Variants in SLC12A6 observed in about 807,000 individuals in gnomAD.
SLC12A6 encodes the protein K-Cl cotransporter 3.
SLC12A6 carries 66 observed loss-of-function variants against 135.3 expected under a neutral mutation model. The observed-to-expected ratio is 0.49, with a 90% CI of 0.40 to 0.60. SLC12A6 has a LOEUF of 0.60. Among genes scored for constraint, SLC12A6 ranks in the 20% least tolerant of loss-of-function variants. The pLI, the probability that SLC12A6 is intolerant of heterozygous loss-of-function variation, is 0.00. For missense variants in SLC12A6, 1,058 were observed against 1,452.3 expected, an observed-to-expected ratio of 0.73 and a Z score of 4.41; for synonymous variants, 513 against 508.8, an observed-to-expected ratio of 1.01 and a Z score of -0.11.
Position 34,336,502 on chromosome 15 carries a change from A to T in SLC12A6, c.179T>A (p.Met60Lys). 6.2e-7 allele frequency: 1 copy of T among 1,613,906 alleles called. No individual in the cohort carries two copies. The highest frequency in any genetic ancestry group is 1.3e-5 in the African/African-American group (1 of 75,050). The stretch of plus-strand genomic sequence containing the variant: ...AGTGGTGGCCCCAGACATCTCACTC[A>T]TAGGCTCACTCCGGCTTGTTTCAGG... ...SVPETSRSEP[M>K]SEMSGATTSL... Residue 60 changes from methionine (M) to lysine (K), a missense_variant, in exon 2 of 26, where the codon ATG becomes AAG. Physicochemically the swap from Met to Lys is moderately conservative, Grantham distance 95 (BLOSUM62 -1). Transcript: ENST00000354181.
At chr15:34,270,433 A>G (rs1324406308) in intron 3 of SLC12A6, among the ~76,000 whole-genome samples, 2 of 152,102 alleles carry the variant, frequency 1.3e-5, no homozygotes, top group African/African-American at 4.8e-5. Flanking sequence ...TCATAAACTT[A>G]AATACTGGGT....
At chr15:34,319,797 TAA>T (rs1378514092) in intron 2 of SLC12A6, among the ~76,000 whole-genome samples, 1 of 128,900 alleles carries the variant, frequency 7.8e-6, no homozygotes, top group Non-Finnish European at 1.6e-5. Flanking sequence ...AGACTCTGTC[TAA>T]AAAAAAAAAG....
At chr15:34,295,585 T>C (rs778165708) in intron 2 of SLC12A6, among the ~76,000 whole-genome samples, 1 of 152,242 alleles carries the variant, frequency 6.6e-6, no homozygotes. Context: ...GGTTGAATTC[T>C]TAGCACTGAT....
At chr15:34,287,862 T>C (rs371025840) in intron 2 of SLC12A6, among the ~76,000 whole-genome samples, 16 of 152,246 alleles carry the variant, frequency 1.1e-4, no homozygotes, top group Non-Finnish European at 4.4e-5. Flanking sequence ...AAGTTCTTTG[T>C]AGATTGTGGA....
chr15:34,321,110 T>C (rs755043627), intron 2 of SLC12A6, among the ~76,000 whole-genome samples: 39 of 152,114 alleles, frequency 2.6e-4, no homozygotes, highest in Admixed American at 2.4e-3. Flanking sequence ...AAAGTCACCA[T>C]TGTAAGTGGT....
rs182432979 is a variant in SLC12A6, at chr15:34,235,595, C to A, written c.3228-281G>T. ...GATTACAGGCCCCCACCACCATACC[C>A]GGCTAATTTTTTTTGTATTTTTAGT... is the stretch of plus-strand genomic sequence containing the variant. On this transcript the variant is annotated intron_variant, in intron 24 of 25. Coordinates refer to ENST00000354181, the MANE Select transcript of SLC12A6 (RefSeq NM_001365088.1). Among the ~76,000 whole-genome samples, 810 of 151,924 alleles carry A rather than the reference C, an allele frequency of 5.3e-3. 12 individuals carry two copies. The highest frequency in any genetic ancestry group is 0.018 in the African/African-American group (755 of 41,398).
At chr15:34,267,237 T>TA (rs34850005) in intron 3 of SLC12A6, among the ~76,000 whole-genome samples, 35,034 of 143,592 alleles carry the variant, frequency 0.24, 4,059 homozygotes, top group South Asian at 0.35. Flanking sequence ...AGTCTCTTTT[T>TA]AAAAAAAAAA....
chr15:34,234,073 CTGCT>C, intron 25 of SLC12A6, 101 bp from the exon 26 acceptor site: 1 of 743,452 alleles, frequency 1.3e-6, no homozygotes, highest in South Asian at 1.4e-5. Context: ...ACAAAATTAG[CTGCT>C]TAATTATTAT....
intron 5 of SLC12A6, among the ~76,000 whole-genome samples, chr15:34,258,436 T>G (rs898138284): frequency 4.6e-5 from 7 of 152,202 alleles, no homozygotes; most frequent in African/African-American, 9.6e-5. Flanking sequence ...TCCCATCAGC[T>G]AGATCTCTCC....
At chr15:34,276,566 AC>A (rs1199052256) in intron 2 of SLC12A6, among the ~76,000 whole-genome samples, 3 of 152,240 alleles carry the variant, frequency 2.0e-5, no homozygotes, top group Non-Finnish European at 4.4e-5. Context: ...ATCTCTTGAG[AC>A]GCTGATGATT....
At chr15:34,278,589 TGAGATG>T (rs1220123505) in intron 2 of SLC12A6, among the ~76,000 whole-genome samples, 1 of 152,134 alleles carries the variant, frequency 6.6e-6, no homozygotes, top group African/African-American at 2.4e-5. Flanking sequence ...TTATTTTTTT[TGAGATG>T]GAGTCTTGCT....
At chr15:34,249,079 G>A (rs1425234980) in intron 13 of SLC12A6, among the ~76,000 whole-genome samples, 2 of 152,130 alleles carry the variant, frequency 1.3e-5, no homozygotes, top group African/African-American at 4.8e-5. Context: ...AGGGAGGTTT[G>A]TATGTTCAAA....
chr15:34,254,240 G>GA (rs1215955423), intron 9 of SLC12A6, 108 bp downstream of exon 9: 39 of 1,198,578 alleles, frequency 3.3e-5, no homozygotes, highest in Non-Finnish European at 4.7e-5. Flanking sequence ...ATCTGAGAGG[G>GA]AAAATCTCAG....
At chr15:34,289,766 T>C (rs1034787756) in intron 2 of SLC12A6, among the ~76,000 whole-genome samples, 1 of 152,230 alleles carries the variant, frequency 6.6e-6, no homozygotes, top group African/African-American at 2.4e-5. Flanking sequence ...TTTATTTACA[T>C]AGAGGTGTTT....
rs145828158 is a variant in SLC12A6 at position 34,253,610 on chromosome 15, T to C, written c.1118+738A>G. 5.3e-5 allele frequency among the ~76,000 whole-genome samples: 8 copies of C among 151,674 alleles called. No individual in the cohort carries two copies. The East Asian group carries it at 1.5e-3, about 29-fold the overall frequency. ...AGTCATTAAACCTACTGGAACTGTC[T>C]TTTTGTCTTGAAAAATCTTTTTTTC... On this transcript the variant is annotated intron_variant, in intron 9 of 25. Transcript: ENST00000354181.
chr15:34,335,982 G>C (rs1339801464), intron 2 of SLC12A6, among the ~76,000 whole-genome samples: 1 of 152,136 alleles, frequency 6.6e-6, no homozygotes, highest in Non-Finnish European at 1.5e-5. Context: ...GCTAAGATAC[G>C]ACCAGTAACT....
rs779083807 is a variant in SLC12A6, at chr15:34,233,930, A to C, written c.3404T>G (p.Val1135Gly). ...LEVLTEGLERVLLVRGGGSEV... is the reference protein window; with the variant it reads ...LEVLTEGLERGLLVRGGGSEV... ...ACTGCCACCACCCCGGACAAGTAGG[A>C]CTCGCTCTAGTCCCTCGGTAAGCAC... The change falls in exon 26 of 26, where the codon GTC (valine) becomes GGC (glycine). Residue 1135 changes from valine to glycine, a missense_variant. Around this residue, in one of 6 missense-constraint regions of SLC12A6, gnomAD observed 245 missense variants for 440.8 expected, o/e 0.56. Transcript: ENST00000354181. 4 of 1,607,694 alleles carry C rather than the reference A, an allele frequency of 2.5e-6. No homozygotes were observed. In the Admixed American group the frequency reaches 6.7e-5, roughly 27 times the overall value.
Position 34,238,341 on chromosome 15 carries a change from A to G in SLC12A6, c.2693T>C (p.Phe898Ser), listed in dbSNP as rs1335757410. The part of the protein sequence containing the change: ...LALLVAKNIS[F>S]FPSNVEQFSE... ...AAATTGCTCCACATTGCTGGGAAAG[A>G]AGGAGATGTTTTTAGCCACCAGCAG... Residue 898 changes from phenylalanine to serine, a missense_variant, in exon 21 of 26, where the codon TTC (phenylalanine) becomes TCC (serine). Physicochemically the swap from Phe to Ser is radical, Grantham distance 155 (BLOSUM62 -2). Transcript: ENST00000354181. The G allele has an allele frequency of 2.5e-6, 4 of 1,613,718 alleles. No homozygotes were observed. Among genetic ancestry groups the G allele is most frequent in the East Asian group, 2.2e-5 (1 of 44,900 alleles).
intron 3 of SLC12A6, among the ~76,000 whole-genome samples, chr15:34,265,315 T>C (rs1595460942): frequency 6.6e-6 from 1 of 151,076 alleles, no homozygotes; most frequent in Non-Finnish European, 1.5e-5. Flanking sequence ...GATATAGCAG[T>C]GGACATGGCA....
Sources: gnomAD v4.1 joint callset for allele counts (sites outside exome capture counted in the v4.1 genomes callset) on GRCh38, gnomAD v4.1.1 for gene constraint, gnomAD v4.1.1 regional missense constraint, MANE v1.5 for transcripts, NCBI Gene and HGNC (gene_info 2026-07-23, HGNC 2026-07-21) for gene names.